The following CCDC171 variants were observed in gnomAD, a reference collection of about 807,000 sequenced individuals.
CCDC171 encodes the protein coiled-coil domain-containing protein 171.
Under a neutral mutation model 168.2 loss-of-function variants are expected in CCDC171, and 177 were observed. The observed-to-expected ratio is 1.05, with a 90% CI of 0.93 to 1.19. CCDC171 has a LOEUF of 1.19. CCDC171 is among the 50% of genes most tolerant of loss of function. The pLI is 0.00. For missense variants in CCDC171, 1,991 were observed against 1,539.0 expected (o/e 1.29, Z -4.91); for synonymous variants, 687 against 540.8 (o/e 1.27, Z -3.75).
At chr9:15,957,373 A>G (rs1033311392) in intron 25 of CCDC171, among the ~76,000 whole-genome samples, 1 of 152,184 alleles carries the variant, frequency 6.6e-6, no homozygotes, top group African/African-American at 2.4e-5. Context: ...ACCTGTCACA[A>G]AGTTCCCGCA....
intron 7 of CCDC171, among the ~76,000 whole-genome samples, chr9:15,638,601 C>G (rs1462275362): frequency 2.6e-5 from 4 of 151,956 alleles, no homozygotes; most frequent in African/African-American, 9.7e-5. Flanking sequence ...TCTAGTGAAG[C>G]TTTTTAACAG....
intron 7 of CCDC171, among the ~76,000 whole-genome samples, chr9:15,643,787 C>T (rs1187977181): frequency 6.6e-6 from 1 of 152,172 alleles, no homozygotes; most frequent in African/African-American, 2.4e-5. Flanking sequence ...TCTGGATTTG[C>T]CTATTCTGGA....
chr9:15,946,522 G>C (rs910147680), intron 25 of CCDC171, among the ~76,000 whole-genome samples: 8 of 151,942 alleles, frequency 5.3e-5, no homozygotes, highest in African/African-American at 9.7e-5. Flanking sequence ...AATAAAACAG[G>C]ATACAAACAA....
intron 10 of CCDC171, among the ~76,000 whole-genome samples, chr9:15,687,679 C>T (rs1051030892): frequency 6.6e-6 from 1 of 152,058 alleles, no homozygotes; most frequent in African/African-American, 2.4e-5. Flanking sequence ...TTACTGAAAT[C>T]ATGAACGAAA....
intron 25 of CCDC171, among the ~76,000 whole-genome samples, chr9:15,926,397 C>G (rs910065841): frequency 1.3e-5 from 2 of 151,708 alleles, no homozygotes; most frequent in Admixed American, 6.6e-5. Context: ...TCATTCCAAA[C>G]CTTACCTTCA....
At chr9:15,788,412 G>A (rs1489256004) in intron 21 of CCDC171, among the ~76,000 whole-genome samples, 1 of 151,860 alleles carries the variant, frequency 6.6e-6, no homozygotes, top group East Asian at 1.9e-4. Context: ...TTTTAAATAT[G>A]TCCTGTGCAT....
chr9:15,648,350 C>T (rs1420605498), intron 7 of CCDC171, among the ~76,000 whole-genome samples: 5 of 152,166 alleles, frequency 3.3e-5, no homozygotes, highest in African/African-American at 7.2e-5. Context: ...TCCAGGGATG[C>T]CCTCTCTCAC....
At chr9:15,602,062 GAACAGT>G (rs1474321017) in intron 6 of CCDC171, among the ~76,000 whole-genome samples, 1 of 152,150 alleles carries the variant, frequency 6.6e-6, no homozygotes, top group Non-Finnish European at 1.5e-5. Context: ...TAGTTACTAC[GAACAGT>G]AACTTGCTTT....
chr9:15,995,405 G>A (rs576935956), intron 3 of CCDC171, among the ~76,000 whole-genome samples: 1 of 152,334 alleles, frequency 6.6e-6, no homozygotes, highest in South Asian at 2.1e-4. Flanking sequence ...ATTTTTGTTA[G>A]CGTAATAATG....
chr9:16,049,814 G>T (rs769159945), intron 1 of CCDC171, among the ~76,000 whole-genome samples: 2 of 152,090 alleles, frequency 1.3e-5, no homozygotes, highest in Non-Finnish European at 2.9e-5. Context: ...ATATCCTATT[G>T]GTTCTGTCTC....
intron 3 of CCDC171, among the ~76,000 whole-genome samples, chr9:16,012,973 T>A (rs544930342): frequency 2.0e-5 from 3 of 152,290 alleles, no homozygotes; most frequent in African/African-American, 7.2e-5. Context: ...TTTTCCTGCA[T>A]GGTACTTCGA....
chr9:15,573,064 C>T (rs1259265376), intron 3 of CCDC171, among the ~76,000 whole-genome samples: 1 of 152,090 alleles, frequency 6.6e-6, no homozygotes, highest in African/African-American at 2.4e-5. Flanking sequence ...GAGGCTGAGG[C>T]AGGAGAATCG....
chr9:15,879,644 G>T (rs1489626769), intron 24 of CCDC171, among the ~76,000 whole-genome samples: 2 of 152,028 alleles, frequency 1.3e-5, no homozygotes, highest in African/African-American at 4.8e-5. Context: ...AGTAATTACA[G>T]ATTTATGTAA....
chr9:15,646,175 T>A (rs577881977), intron 7 of CCDC171, among the ~76,000 whole-genome samples: 1 of 152,136 alleles, frequency 6.6e-6, no homozygotes, highest in South Asian at 2.1e-4. Flanking sequence ...AGAAATAAAA[T>A]CCTTTACAGA....
chr9:15,654,798 G>T (rs1444751175), intron 7 of CCDC171, among the ~76,000 whole-genome samples: 2 of 152,102 alleles, frequency 1.3e-5, no homozygotes, highest in Non-Finnish European at 2.9e-5. Flanking sequence ...GTTGGAAAGT[G>T]GGTGCAGGAC....
chr9:15,982,416 A>G (rs572811698), intron 3 of CCDC171, among the ~76,000 whole-genome samples: 5 of 152,242 alleles, frequency 3.3e-5, no homozygotes, highest in African/African-American at 7.2e-5. Context: ...TGTAAGCATT[A>G]CGTGACAGAG....
intron 6 of CCDC171, among the ~76,000 whole-genome samples, chr9:15,603,047 T>C (rs905408066): frequency 6.6e-6 from 1 of 152,084 alleles, no homozygotes; most frequent in Admixed American, 6.5e-5. Context: ...AGTGGCGCGA[T>C]CTTGGCTCAC....
intron 1 of CCDC171, among the ~76,000 whole-genome samples, chr9:15,556,555 T>C (rs923047291): frequency 7.9e-5 from 12 of 152,206 alleles, no homozygotes; most frequent in Non-Finnish European, 1.5e-4. Context: ...GAAATGTCTG[T>C]TCATATCCTT....
intron 6 of CCDC171, among the ~76,000 whole-genome samples, chr9:15,607,306 A>G (rs1203817553): frequency 1.3e-5 from 2 of 152,152 alleles, no homozygotes; most frequent in Admixed American, 6.6e-5. Context: ...CCATCCTGCC[A>G]CAACTTCAGC....
Sources: allele counts gnomAD v4.1 joint callset (sites outside exome capture counted in the v4.1 genomes callset), GRCh38; gene constraint gnomAD v4.1.1; transcripts MANE v1.5; gene names NCBI Gene and HGNC (gene_info 2026-07-23, HGNC 2026-07-21).